PDE4B: variants seen among roughly 807,000 people sequenced by gnomAD.
PDE4B encodes phosphodiesterase 4B.
In PDE4B, 20 loss-of-function variants were observed where a neutral mutation model predicts 82.2. The observed-to-expected ratio is 0.24, with a 90% CI of 0.17 to 0.35. The LOEUF is 0.35. PDE4B is among the 10% of genes least tolerant of loss of function. PDE4B has a pLI of 1.00. For missense variants in PDE4B, 655 were observed against 907.2 expected (o/e 0.72, Z 3.57); for synonymous variants, 320 against 318.9 (o/e 1.00, Z -0.04).
intron 3 of PDE4B, 49 bp from the exon 4 acceptor site, chr1:66,247,411 C>A: frequency 7.5e-7 from 1 of 1,331,948 alleles, no homozygotes; most frequent in Non-Finnish European, 1.0e-6. Context: ...TACTATGTGT[C>A]CTCCTCCATG....
At chr1:65,908,507 T>C (rs2100444400) in intron 1 of PDE4B, among the ~76,000 whole-genome samples, 1 of 152,204 alleles carries the variant, frequency 6.6e-6, no homozygotes, top group African/African-American at 2.4e-5. Flanking sequence ...AGAGAAGAAA[T>C]AGCAGCAAAG....
At chr1:66,139,820 A>T (rs905996125) in intron 3 of PDE4B, among the ~76,000 whole-genome samples, 1 of 151,692 alleles carries the variant, frequency 6.6e-6, no homozygotes, top group African/African-American at 2.4e-5. Flanking sequence ...GTATCTGCTG[A>T]CTCTCCAGCT....
chr1:66,225,066 C>T (rs980711984), intron 3 of PDE4B, among the ~76,000 whole-genome samples: 1 of 152,166 alleles, frequency 6.6e-6, no homozygotes, highest in Non-Finnish European at 1.5e-5. Flanking sequence ...ACCTTGGCTC[C>T]TCGAGGACTT....
intron 1 of PDE4B, among the ~76,000 whole-genome samples, chr1:65,899,860 T>C (rs1241608095): frequency 1.3e-5 from 2 of 151,662 alleles, no homozygotes; most frequent in Non-Finnish European, 2.9e-5. Flanking sequence ...AATGACACAA[T>C]GGATTTGGGG....
At chr1:66,037,371 AT>A (rs761491283) in intron 3 of PDE4B, among the ~76,000 whole-genome samples, 11 of 152,212 alleles carry the variant, frequency 7.2e-5, no homozygotes, top group Non-Finnish European at 1.0e-4. Context: ...TGATTTTTTG[AT>A]GCTATTATAA....
chr1:65,973,043 A>G (rs1650227433), intron 3 of PDE4B, among the ~76,000 whole-genome samples: 1 of 152,164 alleles, frequency 6.6e-6, no homozygotes, highest in African/African-American at 2.4e-5. Flanking sequence ...TGTTTCAGAA[A>G]AACCCAGGGC....
At chr1:66,283,387 G>A (rs1315725259) in intron 7 of PDE4B, among the ~76,000 whole-genome samples, 3 of 151,616 alleles carry the variant, frequency 2.0e-5, no homozygotes, top group African/African-American at 7.3e-5. Flanking sequence ...ATATATATAT[G>A]TATATATGTA....
At chr1:66,068,189 A>G (rs1655967798) in intron 3 of PDE4B, among the ~76,000 whole-genome samples, 1 of 151,930 alleles carries the variant, frequency 6.6e-6, no homozygotes, top group African/African-American at 2.4e-5. Flanking sequence ...AAAAGCCAGG[A>G]AGACAACACA....
chr1:66,066,540 T>C (rs181366979), intron 3 of PDE4B, among the ~76,000 whole-genome samples: 31 of 152,054 alleles, frequency 2.0e-4, no homozygotes, highest in Non-Finnish European at 1.5e-5. Context: ...TTAATGCACA[T>C]GTGACGTGCC....
At chr1:65,860,234 T>C (rs1166413264) in intron 1 of PDE4B, among the ~76,000 whole-genome samples, 1 of 152,180 alleles carries the variant, frequency 6.6e-6, no homozygotes, top group Non-Finnish European at 1.5e-5. Context: ...TGTGTGATGT[T>C]CCCCTCCCTG....
intron 3 of PDE4B, chr1:66,152,438 G>A: frequency 4.2e-6 from 1 of 238,072 alleles, no homozygotes; most frequent in Non-Finnish European, 9.5e-6. Flanking sequence ...TGTGGCAGCA[G>A]CAGCACACCA....
intron 7 of PDE4B, among the ~76,000 whole-genome samples, chr1:66,284,782 T>C (rs1035581894): frequency 1.3e-5 from 2 of 152,022 alleles, no homozygotes; most frequent in African/African-American, 2.4e-5. Context: ...ATGCAGGACA[T>C]TAGACAGGAA....
At chr1:65,795,465 G>A (rs1329116760) in intron 1 of PDE4B, among the ~76,000 whole-genome samples, 1 of 152,224 alleles carries the variant, frequency 6.6e-6, no homozygotes, top group Admixed American at 6.5e-5. Flanking sequence ...CCACCATGTG[G>A]TAATACAGTG....
intron 3 of PDE4B, among the ~76,000 whole-genome samples, chr1:66,173,784 T>G (rs942979083): frequency 1.3e-5 from 2 of 152,222 alleles, no homozygotes; most frequent in Non-Finnish European, 2.9e-5. Flanking sequence ...TGGGTTTTTT[T>G]GTTTGTTGGT....
chr1:66,346,695 A>G (rs929125558), intron 8 of PDE4B, among the ~76,000 whole-genome samples: 6 of 152,216 alleles, frequency 3.9e-5, no homozygotes, highest in Non-Finnish European at 8.8e-5. Context: ...GCTGCTGTCA[A>G]CAATGAAAAG....
chr1:66,332,519 C>A lies in PDE4B; in HGVS notation c.646C>A (p.Gln216Lys). Reference sequence around the variant, plus strand: ...GTGTTTGTTTGCAGAAGAATCTTATCAAAAATTAGCAATGGAAACGCTGGA... The same window carrying A: ...GTGTTTGTTTGCAGAAGAATCTTATAAAAAATTAGCAATGGAAACGCTGGA... ...SRVNPQEESY[Q>K]KLAMETLEEL... Residue 216 changes from glutamine (Q) to lysine (K), a missense_variant, in exon 8 of 17, where the codon CAA becomes AAA. Transcript: ENST00000341517. 1 of 1,614,150 alleles carries A rather than the reference C, an allele frequency of 6.2e-7. No individual in the cohort carries two copies. Among genetic ancestry groups the A allele is most frequent in the Non-Finnish European group, 8.5e-7 (1 of 1,180,036 alleles).
chr1:65,980,708 A>G (rs1331810319), intron 3 of PDE4B, among the ~76,000 whole-genome samples: 4 of 152,176 alleles, frequency 2.6e-5, no homozygotes, highest in African/African-American at 7.2e-5. Flanking sequence ...GTGTCAGGAA[A>G]TTCAGAAAAC....
intron 3 of PDE4B, among the ~76,000 whole-genome samples, chr1:66,147,101 G>A (rs1018053712): frequency 1.3e-5 from 2 of 152,192 alleles, no homozygotes; most frequent in African/African-American, 2.4e-5. Context: ...GCAGTGAGGA[G>A]CAATTCATGT....
At chr1:66,110,003 A>G (rs7519491) in intron 3 of PDE4B, among the ~76,000 whole-genome samples, 10,969 of 151,990 alleles carry the variant, frequency 0.072, 653 homozygotes, top group African/African-American at 0.16. Flanking sequence ...GAGAAAGATC[A>G]TGTAATTAAT....
Sources: gnomAD v4.1 joint callset for allele counts (sites outside exome capture counted in the v4.1 genomes callset) on GRCh38, gnomAD v4.1.1 for gene constraint, MANE v1.5 for transcripts, NCBI Gene and HGNC (gene_info 2026-07-23, HGNC 2026-07-21) for gene names.